Variants in BACH2 observed in about 807,000 individuals in gnomAD.
BACH2 encodes transcription regulator protein BACH2.
In BACH2, 5 loss-of-function variants were observed where a neutral mutation model predicts 61.8. The ratio of observed to expected loss-of-function variants is 0.08; its 90% confidence interval spans 0.04 to 0.17. BACH2 has a LOEUF of 0.17. Among genes scored for constraint, BACH2 ranks in the 10% least tolerant of loss-of-function variants. BACH2 has a pLI of 1.00. For synonymous variants in BACH2, 446 were observed against 440.1 expected, an observed-to-expected ratio of 1.01 and a Z score of -0.17; for missense variants, 824 against 1,091.1, an observed-to-expected ratio of 0.76 and a Z score of 3.45.
At position 90,074,719 on chromosome 6, in the gene BACH2, T is replaced by C. The variant is rs188189934; in HGVS notation, c.-13+14242A>G. Reference sequence around the variant, plus strand: ...AGCCTTTGGGGAGAACATAATCAGATGGGAGGTGGAAGCGATGGCGGGATC... The same window carrying C: ...AGCCTTTGGGGAGAACATAATCAGACGGGAGGTGGAAGCGATGGCGGGATC... On this transcript the variant is annotated intron_variant, in intron 5 of 8. Transcript: ENST00000257749. 2.4e-3 allele frequency among the ~76,000 whole-genome samples: 370 copies of C among 152,202 alleles called. 2 individuals are homozygous for C. Among genetic ancestry groups the C allele is most frequent in the African/African-American group, 8.4e-3 (349 of 41,540 alleles).
At chr6:90,090,139 ATGAG>A (rs1245553515) in intron 4 of BACH2, among the ~76,000 whole-genome samples, 2 of 152,308 alleles carry the variant, frequency 1.3e-5, no homozygotes, top group Admixed American at 6.5e-5. Context: ...TTATATGAAT[ATGAG>A]TATTTCCCCA....
chr6:90,136,134 G>A (rs1000600904), intron 4 of BACH2, among the ~76,000 whole-genome samples: 4 of 152,154 alleles, frequency 2.6e-5, no homozygotes, highest in South Asian at 2.1e-4. Flanking sequence ...TCAGTCCCAC[G>A]AGCACAATCC....
rs146267266 is a variant in BACH2, at chr6:89,999,507, T to C, written c.243+9095A>G. ...ATCTGGATGGGAAGTAGAAATAATT[T>C]TGAAAAACTCTCACAAGTGCTATTT... is the stretch of plus-strand genomic sequence containing the variant. On this transcript the variant is annotated intron_variant, in intron 6 of 8. Transcript: ENST00000257749. Among the ~76,000 whole-genome samples the C allele has an allele frequency of 1.1e-3, 168 of 152,182 alleles. 1 individual carries two copies. Among genetic ancestry groups the C allele is most frequent in the Middle Eastern group, 3.4e-3 (1 of 294 alleles).
At chr6:90,020,878 C>G (rs1296630381) in intron 5 of BACH2, among the ~76,000 whole-genome samples, 3 of 152,128 alleles carry the variant, frequency 2.0e-5, no homozygotes, top group Non-Finnish European at 2.9e-5. Flanking sequence ...TAACAGAACC[C>G]AGAATAGCAT....
At chr6:90,097,227 C>T (rs375565097) in intron 4 of BACH2, among the ~76,000 whole-genome samples, 83 of 152,194 alleles carry the variant, frequency 5.5e-4, no homozygotes, top group African/African-American at 1.9e-3. Context: ...ATGGGAAGCC[C>T]GTGGACTACA....
At chr6:89,934,759 C>G (rs990172834) in intron 8 of BACH2, among the ~76,000 whole-genome samples, 1 of 152,078 alleles carries the variant, frequency 6.6e-6, no homozygotes, top group Non-Finnish European at 1.5e-5. Flanking sequence ...TCTGAAGCAG[C>G]ATGAAGTCAG....
At chr6:90,192,024 A>G (rs867941278) in intron 4 of BACH2, among the ~76,000 whole-genome samples, 93 of 152,240 alleles carry the variant, frequency 6.1e-4, no homozygotes, top group African/African-American at 2.2e-3. Context: ...TTTTGACCAA[A>G]AGGAAATTTA....
intron 3 of BACH2, among the ~76,000 whole-genome samples, chr6:90,250,749 T>C (rs188341428): frequency 2.6e-5 from 4 of 152,332 alleles, no homozygotes; most frequent in Admixed American, 2.0e-4. Context: ...AATGTAAATA[T>C]AGCTAATATT....
At chr6:89,973,749 G>T (rs1391446887) in intron 6 of BACH2, among the ~76,000 whole-genome samples, 1 of 151,872 alleles carries the variant, frequency 6.6e-6, no homozygotes, top group African/African-American at 2.4e-5. Context: ...TTATTCTCTC[G>T]GTGTCTCAAA....
chr6:90,219,927 C>T (rs1268999085), intron 3 of BACH2, among the ~76,000 whole-genome samples: 1 of 152,014 alleles, frequency 6.6e-6, no homozygotes, highest in African/African-American at 2.4e-5. Flanking sequence ...CTTTTTTCTG[C>T]ACTAAGGGTT....
At chr6:90,288,741 AAT>A (rs1772095646) in intron 1 of BACH2, among the ~76,000 whole-genome samples, 1 of 152,204 alleles carries the variant, frequency 6.6e-6, no homozygotes, top group Admixed American at 6.5e-5. Context: ...ACTGGTAGCT[AAT>A]ATTTCTAATT....
chr6:90,022,819 C>A (rs975745942), intron 5 of BACH2, among the ~76,000 whole-genome samples: 2 of 152,122 alleles, frequency 1.3e-5, no homozygotes, highest in African/African-American at 4.8e-5. Context: ...CATTATCTAG[C>A]AAAGTTGAAG....
intron 4 of BACH2, among the ~76,000 whole-genome samples, chr6:90,132,403 C>T (rs1040873622): frequency 1.3e-5 from 2 of 152,296 alleles, no homozygotes; most frequent in East Asian, 3.9e-4. Context: ...CTCCCACCTT[C>T]CTATGTCTAC....
At chr6:90,296,120 A>G (rs1772366283) in intron 1 of BACH2, among the ~76,000 whole-genome samples, 1 of 151,922 alleles carries the variant, frequency 6.6e-6, no homozygotes, top group Admixed American at 6.6e-5. Flanking sequence ...CGCCTCCTGC[A>G]GCCCGCCCTC....
At chr6:90,280,765 G>C (rs1771835458) in intron 1 of BACH2, among the ~76,000 whole-genome samples, 2 of 152,184 alleles carry the variant, frequency 1.3e-5, no homozygotes, top group Admixed American at 1.3e-4. Context: ...GTCTAAGGGA[G>C]GTCCCACAGC....
intron 4 of BACH2, among the ~76,000 whole-genome samples, chr6:90,125,510 T>C (rs1783810850): frequency 6.6e-6 from 1 of 152,212 alleles, no homozygotes; most frequent in Non-Finnish European, 1.5e-5. Context: ...AACAGCACGT[T>C]TGCCTCTGAA....
intron 4 of BACH2, among the ~76,000 whole-genome samples, chr6:90,117,461 G>T: frequency 8.7e-6 from 1 of 115,098 alleles, no homozygotes; most frequent in African/African-American, 3.8e-5. Context: ...CTGTTAGCTT[G>T]ACTTTTTTTT....
At position 89,984,215 on chromosome 6, in the gene BACH2, T is replaced by C. The variant is rs534482622; in HGVS notation, c.243+24387A>G. On this transcript the variant is annotated intron_variant, in intron 6 of 8. Coordinates refer to ENST00000257749, the MANE Select transcript of BACH2 (RefSeq NM_021813.4). ...CCTCCACATCCATTCTGTAGGAGAA[T>C]ATCTACAATTACAAGATGTCCACAA... Among the ~76,000 whole-genome samples the C allele has an allele frequency of 8.5e-5, 13 of 152,250 alleles. No homozygotes were observed. The East Asian group carries it at 2.5e-3, about 29-fold the overall frequency.
intron 5 of BACH2, among the ~76,000 whole-genome samples, chr6:90,071,225 A>T (rs1781211509): frequency 6.6e-6 from 1 of 152,022 alleles, no homozygotes; most frequent in African/African-American, 2.4e-5. Context: ...TGAAATCATG[A>T]CTCTTCCTTC....
Sources: gnomAD v4.1 joint callset for allele counts (sites outside exome capture counted in the v4.1 genomes callset) on GRCh38, gnomAD v4.1.1 for gene constraint, MANE v1.5 for transcripts, NCBI Gene and HGNC (gene_info 2026-07-23, HGNC 2026-07-21) for gene names.